Variants in FLRT2 observed in about 807,000 individuals in gnomAD.
FLRT2 encodes leucine-rich repeat transmembrane protein FLRT2.
Under a neutral mutation model 40.0 loss-of-function variants are expected in FLRT2, and 15 were observed. The ratio of observed to expected loss-of-function variants is 0.38; its 90% CI spans 0.25 to 0.58. The LOEUF is 0.58. Ranked by LOEUF, FLRT2 falls within the 20% of genes least tolerant of loss-of-function variation. The probability of loss-of-function intolerance (pLI) is 0.71; values close to 1 mark genes in which losing one functional copy is unlikely to be tolerated. For missense variants in FLRT2, 726 were observed against 840.0 expected (o/e 0.86, Z 1.68); for synonymous variants, 380 against 336.8 (o/e 1.13, Z -1.41).
intron 1 of FLRT2, among the ~76,000 whole-genome samples, chr14:85,533,877 C>CCGCCGT (rs1478217019): frequency 1.2e-4 from 18 of 151,852 alleles, no homozygotes; most frequent in Non-Finnish European, 2.2e-4. Flanking sequence ...CCAGCAGCCG[C>CCGCCGT]CGCCGTCGCC....
chr14:85,653,872 A>T lies in FLRT2; in HGVS notation c.*30375A>T, dbSNP rs1449095827. 2.0e-5 allele frequency: 3 copies of T among 152,206 alleles called. No homozygotes were observed. The highest frequency in any genetic ancestry group is 7.2e-5 in the African/African-American group (3 of 41,454). The allele number at this position is 152,206 out of a possible 1,614,324, so 9.4% of individuals were successfully genotyped here. On this transcript the variant is annotated 3_prime_UTR_variant, in exon 2 of 2. Coordinates refer to ENST00000330753, the MANE Select transcript of FLRT2 (RefSeq NM_013231.6). ...AACTTTCTAGAAATGAATGAAGAAA[A>T]CATAGCAAAATTATACCTATTTTTT...
intron 1 of FLRT2, among the ~76,000 whole-genome samples, chr14:85,619,842 G>T (rs563841720): frequency 1.3e-5 from 2 of 152,198 alleles, no homozygotes; most frequent in African/African-American, 4.8e-5. Context: ...GAGCAAGAAG[G>T]CATGATTACT....
At chr14:85,556,066 T>C (rs976906803) in intron 1 of FLRT2, among the ~76,000 whole-genome samples, 1 of 152,206 alleles carries the variant, frequency 6.6e-6, no homozygotes, top group African/African-American at 2.4e-5. Flanking sequence ...GGAAATCCTA[T>C]CCCATGAATA....
intron 1 of FLRT2, among the ~76,000 whole-genome samples, chr14:85,576,256 T>C (rs1277713508): frequency 6.6e-6 from 1 of 152,230 alleles, no homozygotes; most frequent in Non-Finnish European, 1.5e-5. Context: ...GTTTTAATTA[T>C]AAGTATTTAC....
At chr14:85,542,936 G>T (rs1889064768) in intron 1 of FLRT2, among the ~76,000 whole-genome samples, 1 of 152,152 alleles carries the variant, frequency 6.6e-6, no homozygotes, top group African/African-American at 2.4e-5. Context: ...AGAGAAATCT[G>T]ATAGGTTGGC....
At position 85,645,645 on chromosome 14, in the gene FLRT2, A is replaced by G. The variant is rs1184327834; in HGVS notation, c.*22148A>G. On this transcript the variant is annotated 3_prime_UTR_variant, in exon 2 of 2. Transcript: ENST00000330753. ...GAACCTATGAGAATATTCATGCCAC[A>G]TGTTATTTCTTTTCAGAAGATCTTC... 1.3e-5 allele frequency: 2 copies of G among 152,182 alleles called. No individual in the cohort carries two copies. Among genetic ancestry groups the G allele is most frequent in the Admixed American group, 6.5e-5 (1 of 15,274 alleles). The allele number at this position is 152,182 out of a possible 1,614,324, so 9.4% of individuals were successfully genotyped here.
intron 1 of FLRT2, among the ~76,000 whole-genome samples, chr14:85,594,995 T>A (rs1892069621): frequency 6.6e-6 from 1 of 152,128 alleles, no homozygotes; most frequent in Admixed American, 6.6e-5. Flanking sequence ...TAAGTGGAAA[T>A]GGATCATGAT....
chr14:85,575,599 C>A (rs1008373259), intron 1 of FLRT2, among the ~76,000 whole-genome samples: 6 of 152,268 alleles, frequency 3.9e-5, no homozygotes, highest in South Asian at 2.1e-4. Flanking sequence ...AGGCCCCAAA[C>A]CACTGTTTTG....
intron 1 of FLRT2, among the ~76,000 whole-genome samples, chr14:85,534,114 C>T (rs1043822751): frequency 6.6e-6 from 1 of 152,198 alleles, no homozygotes; most frequent in Non-Finnish European, 1.5e-5. Flanking sequence ...AGTTCAAGAT[C>T]CCGGGGATGA....
chr14:85,592,506 A>C (rs1280111869), intron 1 of FLRT2, among the ~76,000 whole-genome samples: 2 of 152,086 alleles, frequency 1.3e-5, no homozygotes, highest in Non-Finnish European at 2.9e-5. Flanking sequence ...ATCTGGAATC[A>C]GCCGGGTGCA....
At chr14:85,609,751 T>G (rs745331223) in intron 1 of FLRT2, among the ~76,000 whole-genome samples, 1 of 152,166 alleles carries the variant, frequency 6.6e-6, no homozygotes, top group Non-Finnish European at 1.5e-5. Context: ...ACCTCTATTC[T>G]CAGGTGAGAC....
intron 1 of FLRT2, among the ~76,000 whole-genome samples, chr14:85,594,126 T>C (rs1892028517): frequency 6.6e-6 from 1 of 152,226 alleles, no homozygotes; most frequent in South Asian, 2.1e-4. Flanking sequence ...CCATCATATG[T>C]CTACTTATTT....
At chr14:85,537,534 A>G (rs544333599) in intron 1 of FLRT2, among the ~76,000 whole-genome samples, 5 of 152,244 alleles carry the variant, frequency 3.3e-5, no homozygotes, top group South Asian at 2.1e-4. Flanking sequence ...GAATTGACGT[A>G]TCAGTATACT....
chr14:85,536,760 A>G (rs539921649), intron 1 of FLRT2, among the ~76,000 whole-genome samples: 2 of 151,836 alleles, frequency 1.3e-5, no homozygotes, highest in South Asian at 4.1e-4. Flanking sequence ...TTTCTAATAC[A>G]GAGTTCAATA....
intron 1 of FLRT2, among the ~76,000 whole-genome samples, chr14:85,608,926 C>A (rs1892744519): frequency 6.6e-6 from 1 of 152,170 alleles, no homozygotes; most frequent in South Asian, 2.1e-4. Flanking sequence ...GGCACTTTGC[C>A]TATTGTGACC....
chr14:85,574,033 G>A (rs1018129599), intron 1 of FLRT2, among the ~76,000 whole-genome samples: 2 of 152,092 alleles, frequency 1.3e-5, no homozygotes, highest in South Asian at 2.1e-4. Context: ...GTAAGAGGCC[G>A]GATCCACAGG....
At chr14:85,577,788 C>T (rs555949973) in intron 1 of FLRT2, among the ~76,000 whole-genome samples, 2 of 151,944 alleles carry the variant, frequency 1.3e-5, no homozygotes, top group South Asian at 4.2e-4. Flanking sequence ...ACAGTGTTGC[C>T]CAGGCTGGCC....
intron 1 of FLRT2, among the ~76,000 whole-genome samples, chr14:85,556,301 C>A (rs922316377): frequency 6.6e-6 from 1 of 152,148 alleles, no homozygotes; most frequent in Admixed American, 6.5e-5. Flanking sequence ...AGATTTTTAG[C>A]TTGCCTTTAA....
chr14:85,619,391 G>A (rs576965752), intron 1 of FLRT2, among the ~76,000 whole-genome samples: 149 of 152,088 alleles, frequency 9.8e-4, no homozygotes, highest in Non-Finnish European at 1.2e-3. Flanking sequence ...AATCAAGCCC[G>A]GCCATGCTTG....
Sources: gnomAD v4.1 joint callset for allele counts (sites outside exome capture counted in the v4.1 genomes callset) on GRCh38, gnomAD v4.1.1 for gene constraint, MANE v1.5 for transcripts, NCBI Gene and HGNC (gene_info 2026-07-23, HGNC 2026-07-21) for gene names.